PARD3: variants seen among roughly 807,000 people sequenced by gnomAD.
The protein encoded by PARD3 is partitioning defective 3 homolog.
Under a neutral mutation model 155.4 loss-of-function variants are expected in PARD3, and 75 were observed. The ratio of observed to expected loss-of-function variants is 0.48; its 90% CI spans 0.40 to 0.58. The LOEUF (loss-of-function observed/expected upper bound fraction) is 0.58, where lower values mean the gene tolerates loss of function less well. Ranked by LOEUF, PARD3 falls within the 20% of genes least tolerant of loss-of-function variation. The probability of loss-of-function intolerance (pLI) is 0.00; values close to 1 mark genes in which losing one functional copy is unlikely to be tolerated. For synonymous variants in PARD3, 576 were observed against 610.5 expected (o/e 0.94, Z 0.83); for missense variants, 1,642 against 1,721.7 (o/e 0.95, Z 0.82).
chr10:34,128,779 T>C (rs1391847409), intron 23 of PARD3, among the ~76,000 whole-genome samples: 3 of 152,220 alleles, frequency 2.0e-5, no homozygotes. Context: ...ATTGTGAGTA[T>C]TGGGTTTCAG....
At chr10:34,190,927 T>C (rs192478093) in intron 22 of PARD3, among the ~76,000 whole-genome samples, 20 of 152,018 alleles carry the variant, frequency 1.3e-4, no homozygotes, top group African/African-American at 4.8e-4. Context: ...GTAGTTCAAC[T>C]AGGCTGGTGT....
intron 4 of PARD3, among the ~76,000 whole-genome samples, chr10:34,454,879 T>G (rs1007548503): frequency 2.0e-5 from 3 of 152,170 alleles, no homozygotes; most frequent in Admixed American, 2.0e-4. Flanking sequence ...GTATCCTGGC[T>G]ATGGAGAAAA....
chr10:34,509,793 C>T lies in PARD3; in HGVS notation c.403+7186G>A, dbSNP rs556245234. On this transcript the variant is annotated intron_variant, in intron 3 of 24. Coordinates refer to ENST00000374788, the MANE Select transcript of PARD3 (RefSeq NM_001184785.2). ...ACAAACACACGCATCGAAAAAATGA[C>T]AAAACAACAAAAAAAAAGCATCACC... 8.7e-5 allele frequency among the ~76,000 whole-genome samples: 13 copies of T among 148,620 alleles called. No individual in the cohort carries two copies. The South Asian group carries it at 2.7e-3, about 31-fold the overall frequency.
intron 9 of PARD3, among the ~76,000 whole-genome samples, chr10:34,379,147 A>G (rs1045405325): frequency 6.6e-6 from 1 of 152,150 alleles, no homozygotes; most frequent in Admixed American, 6.5e-5. Flanking sequence ...GAGATCTGTA[A>G]AGGTGAAAAA....
chr10:34,269,784 C>T lies in PARD3; in HGVS notation c.3292G>A (p.Val1098Ile), dbSNP rs139098285. 51 of 1,614,006 alleles carry T rather than the reference C, an allele frequency of 3.2e-5. No individual in the cohort carries two copies. The African/African-American group carries it at 6.3e-4, about 20-fold the overall frequency. The change falls in exon 22 of 25, where the codon GTT becomes ATT. Residue 1098 changes from valine to isoleucine, a missense_variant. By Grantham distance (29) the Val-to-Ile change is conservative. Around this residue, in one of 3 missense-constraint regions of PARD3, gnomAD observed 1,529 missense variants for 1,587.3 expected, o/e 0.96. Transcript: ENST00000374788. ...GCCATGGAACCTTCATAAGAAGAAA[C>T]TCCCCCATACATTAACTCATCATCA... ...GCDDELMYGG[V>I]SSYEGSMALN... is the part of the protein sequence containing the mutation.
At chr10:34,329,199 A>T (rs773794091) in intron 19 of PARD3, among the ~76,000 whole-genome samples, 2 of 152,234 alleles carry the variant, frequency 1.3e-5, no homozygotes, top group Non-Finnish European at 2.9e-5. Context: ...CTACAGAATT[A>T]AAAATATACC....
intron 3 of PARD3, among the ~76,000 whole-genome samples, chr10:34,478,623 A>T (rs2078867317): frequency 6.6e-6 from 1 of 152,120 alleles, no homozygotes; most frequent in Non-Finnish European, 1.5e-5. Context: ...GGCTCACTGC[A>T]ACCTCCGCCT....
At chr10:34,590,350 G>T (rs1475317511) in intron 2 of PARD3, among the ~76,000 whole-genome samples, 1 of 152,164 alleles carries the variant, frequency 6.6e-6, no homozygotes, top group Non-Finnish European at 1.5e-5. Context: ...GAATATATGA[G>T]GAATTGTTGC....
At position 34,466,202 on chromosome 10, in the gene PARD3, C is replaced by T. The variant is rs562146863; in HGVS notation, c.582+3883G>A. Among the ~76,000 whole-genome samples the T allele has an allele frequency of 5.9e-5, 9 of 152,234 alleles. No individual in the cohort carries two copies. The South Asian group carries it at 1.9e-3, about 32-fold the overall frequency. On this transcript the variant is annotated intron_variant, in intron 4 of 24. Transcript: ENST00000374788. ...CTCCCTTACCCTCTCCATCTCACTT[C>T]CAAATGAAAACATGAAATATTTTAA...
intron 19 of PARD3, among the ~76,000 whole-genome samples, chr10:34,318,128 G>A (rs1055316684): frequency 6.6e-6 from 1 of 152,106 alleles, no homozygotes; most frequent in Non-Finnish European, 1.5e-5. Flanking sequence ...CCAACACTTC[G>A]TAAGCACATG....
At chr10:34,120,004 ATTTTTTTTTT>A (rs1185067110) in intron 23 of PARD3, among the ~76,000 whole-genome samples, 4 of 73,794 alleles carry the variant, frequency 5.4e-5, no homozygotes, top group African/African-American at 1.8e-4. Flanking sequence ...GTCTTCTTTA[ATTTTTTTTTT>A]TTTTTTTTTT....
chr10:34,519,895 T>C (rs1049114292), intron 2 of PARD3, among the ~76,000 whole-genome samples: 1 of 121,344 alleles, frequency 8.2e-6, no homozygotes, highest in Admixed American at 8.3e-5. Context: ...AAATAGAAAA[T>C]AAATCCCAAA....
intron 2 of PARD3, among the ~76,000 whole-genome samples, chr10:34,539,822 T>G (rs1352202625): frequency 6.6e-6 from 1 of 152,214 alleles, no homozygotes. Context: ...ATTGGCTTCC[T>G]GAAATAGGCC....
intron 23 of PARD3, among the ~76,000 whole-genome samples, chr10:34,122,911 TAA>T (rs1947083363): frequency 6.6e-6 from 1 of 152,114 alleles, no homozygotes; most frequent in African/African-American, 2.4e-5. Context: ...AGCACAAAAA[TAA>T]AGTGAAGAAA....
intron 1 of PARD3, among the ~76,000 whole-genome samples, chr10:34,813,803 G>A (rs1048764486): frequency 1.3e-5 from 2 of 152,112 alleles, no homozygotes; most frequent in African/African-American, 4.8e-5. Flanking sequence ...GCCACTGTCG[G>A]GAACAAATGG....
intron 3 of PARD3, among the ~76,000 whole-genome samples, chr10:34,492,386 G>A (rs187016976): frequency 8.0e-4 from 122 of 152,156 alleles, no homozygotes; most frequent in Middle Eastern, 3.4e-3. Context: ...CCACATTCAC[G>A]CATGGCTCTA....
intron 3 of PARD3, among the ~76,000 whole-genome samples, chr10:34,485,275 C>A (rs532202162): frequency 1.3e-5 from 2 of 151,570 alleles, no homozygotes; most frequent in South Asian, 4.2e-4. Flanking sequence ...GAGGCAGAGG[C>A]GGCAGTGAGC....
chr10:34,255,853 C>T (rs944306984), intron 22 of PARD3, among the ~76,000 whole-genome samples: 2 of 152,088 alleles, frequency 1.3e-5, no homozygotes, highest in African/African-American at 2.4e-5. Context: ...TATAAAGAAA[C>T]GTACTTTTCC....
intron 22 of PARD3, among the ~76,000 whole-genome samples, chr10:34,206,564 C>T (rs982173004): frequency 5.9e-5 from 9 of 152,202 alleles, no homozygotes; most frequent in Admixed American, 2.6e-4. Flanking sequence ...TTATTGAGGA[C>T]GCAGTGTTGC....
Sources: allele counts gnomAD v4.1 joint callset (sites outside exome capture counted in the v4.1 genomes callset), GRCh38; gene constraint gnomAD v4.1.1; regional missense constraint gnomAD v4.1.1; transcripts MANE v1.5; gene names NCBI Gene and HGNC (gene_info 2026-07-23, HGNC 2026-07-21).